Variants in FRY observed in about 807,000 individuals in gnomAD.
The protein encoded by FRY is protein furry homolog.
FRY carries 128 observed loss-of-function variants against 348.4 expected under a neutral mutation model. The ratio of observed to expected loss-of-function variants is 0.37; its 90% CI spans 0.32 to 0.43. The LOEUF is 0.43. Among genes scored for constraint, FRY ranks in the 20% least tolerant of loss-of-function variants. FRY has a pLI of 1.00. For synonymous variants in FRY, 1,370 were observed against 1,374.7 expected (o/e 1.00, Z 0.08); for missense variants, 2,736 against 3,695.2 (o/e 0.74, Z 6.73).
intron 6 of FRY, 30 bp downstream of exon 6, chr13:32,124,711 A>G: frequency 6.6e-7 from 1 of 1,523,368 alleles, no homozygotes; most frequent in Non-Finnish European, 9.1e-7. Flanking sequence ...TAGAATGTTG[A>G]AGTTGGTGTT....
chr13:32,124,537 G>C, intron 5 of FRY, 65 bp from the exon 6 acceptor site: 1 of 961,974 alleles, frequency 1.0e-6, no homozygotes, highest in South Asian at 1.3e-5. Context: ...ATAGTTATTG[G>C]AAGTACTGTA....
chr13:32,194,663 GACCAA>G, intron 29 of FRY, among the ~76,000 whole-genome samples: 1 of 152,114 alleles, frequency 6.6e-6, no homozygotes, highest in African/African-American at 2.4e-5. Flanking sequence ...CTTTACAGAA[GACCAA>G]ACCCAGGAAG....
At chr13:32,142,709 C>A (rs1236233574) in intron 11 of FRY, among the ~76,000 whole-genome samples, 1 of 152,196 alleles carries the variant, frequency 6.6e-6, no homozygotes, top group Non-Finnish European at 1.5e-5. Flanking sequence ...AGGTCCTGTA[C>A]AAATGAATCT....
intron 1 of FRY, among the ~76,000 whole-genome samples, chr13:32,041,483 G>A (rs1033876339): frequency 1.3e-5 from 2 of 151,786 alleles, no homozygotes; most frequent in Non-Finnish European, 2.9e-5. Context: ...TAGTGGAGAC[G>A]GGGTTTCACC....
At chr13:32,218,863 G>A (rs368188094) in intron 36 of FRY, 32 bp downstream of exon 36, 27 of 1,234,426 alleles carry the variant, frequency 2.2e-5, no homozygotes, top group East Asian at 4.6e-5. Context: ...GCTTTCAGAC[G>A]GAACGCAAGT....
chr13:32,073,938 A>G (rs1195152290), intron 1 of FRY, among the ~76,000 whole-genome samples: 1 of 152,188 alleles, frequency 6.6e-6, no homozygotes, highest in African/African-American at 2.4e-5. Flanking sequence ...TTAGGAGGGT[A>G]GTCTGTCCTG....
chr13:32,111,152 C>T (rs935151476), intron 3 of FRY, among the ~76,000 whole-genome samples: 11 of 152,044 alleles, frequency 7.2e-5, no homozygotes, highest in African/African-American at 2.4e-4. Context: ...AATAAAGGTG[C>T]CAATAATGTG....
intron 10 of FRY, 42 bp downstream of exon 10, chr13:32,135,225 A>G (rs1879632658): frequency 8.5e-7 from 1 of 1,173,338 alleles, no homozygotes; most frequent in Non-Finnish European, 1.3e-6. Context: ...ACAAAACTGC[A>G]CAGACTAAAA....
rs1354205098 is a variant in FRY, at chr13:32,297,613, G to A, written c.*2153G>A. On this transcript the variant is annotated 3_prime_UTR_variant, in exon 61 of 61. Transcript: ENST00000542859. ...TTTTTAAAAGGAGATGTATTAATGT[G>A]AAAGGTTTCTTCTACTTTTCCTCTA... 3.3e-5 allele frequency: 5 copies of A among 152,146 alleles called. No homozygotes were observed. The East Asian group carries it at 9.6e-4, about 29-fold the overall frequency. The allele number at this position is 152,146 out of a possible 1,614,324, so 9.4% of individuals were successfully genotyped here. A position where few individuals can be genotyped will look rare whatever the true frequency, so the allele number is the denominator to read the frequency against.
chr13:32,293,323 T>C (rs1889470816), intron 59 of FRY, among the ~76,000 whole-genome samples: 2 of 152,244 alleles, frequency 1.3e-5, no homozygotes, highest in Admixed American at 1.3e-4. Flanking sequence ...CTCTAATATC[T>C]TGTTTTAAAA....
intron 31 of FRY, among the ~76,000 whole-genome samples, chr13:32,204,213 C>T (rs1379844001): frequency 6.6e-6 from 1 of 152,118 alleles, no homozygotes; most frequent in Non-Finnish European, 1.5e-5. Flanking sequence ...TAATGACTAC[C>T]CCATAGGATG....
intron 58 of FRY, among the ~76,000 whole-genome samples, chr13:32,286,269 T>G (rs1316922375): frequency 6.6e-6 from 1 of 151,982 alleles, no homozygotes; most frequent in Non-Finnish European, 1.5e-5. Context: ...AATAAGGGGG[T>G]TTTATTGGAT....
intron 4 of FRY, among the ~76,000 whole-genome samples, chr13:32,122,688 GCAAT>G (rs1054849680): frequency 1.3e-5 from 2 of 152,088 alleles, no homozygotes; most frequent in African/African-American, 4.8e-5. Flanking sequence ...CCTAGCCAAA[GCAAT>G]CAGACAAGAG....
chr13:32,236,806 G>A (rs1184149588), intron 43 of FRY, among the ~76,000 whole-genome samples: 5 of 151,828 alleles, frequency 3.3e-5, no homozygotes, highest in African/African-American at 4.8e-5. Context: ...GATAATTTTG[G>A]TATGATTACA....
chr13:32,048,285 TC>T (rs548106783), intron 1 of FRY, among the ~76,000 whole-genome samples: 7 of 152,116 alleles, frequency 4.6e-5, no homozygotes, highest in Non-Finnish European at 7.4e-5. Context: ...TTGGGATCTT[TC>T]TATCTTTTAT....
chr13:32,075,462 G>A (rs1003655129), intron 1 of FRY, among the ~76,000 whole-genome samples: 3 of 152,096 alleles, frequency 2.0e-5, no homozygotes, highest in Non-Finnish European at 4.4e-5. Context: ...GTAATTTTCT[G>A]TTTCCAGACT....
rs139918206 is a variant in FRY at position 32,288,158 on chromosome 13, T to C, written c.8470-1475T>C. Among the ~76,000 whole-genome samples, 206 of 152,374 alleles carry C rather than the reference T, an allele frequency of 1.4e-3. 1 individual carries two copies. Among genetic ancestry groups the C allele is most frequent in the Middle Eastern group, 3.4e-3 (1 of 294 alleles). On this transcript the variant is annotated intron_variant, in intron 58 of 60. Transcript: ENST00000542859. ...TTGGCACTTAGGAAAGGCAGAGTTT[T>C]CATAGCTAGGTTTCACCCAAATTGT...
At chr13:32,176,982 C>A (rs931721330) in intron 20 of FRY, among the ~76,000 whole-genome samples, 1 of 152,198 alleles carries the variant, frequency 6.6e-6, no homozygotes, top group East Asian at 1.9e-4. Flanking sequence ...GCCATCTCAT[C>A]TCTCAGGCTC....
At chr13:32,200,716 GA>G (rs1260791618) in intron 29 of FRY, among the ~76,000 whole-genome samples, 9 of 152,038 alleles carry the variant, frequency 5.9e-5, no homozygotes, top group African/African-American at 2.4e-5. Flanking sequence ...TACATAGCAA[GA>G]AAAAAATGGA....
Sources: allele counts gnomAD v4.1 joint callset (sites outside exome capture counted in the v4.1 genomes callset), GRCh38; gene constraint gnomAD v4.1.1; transcripts MANE v1.5; gene names NCBI Gene and HGNC (gene_info 2026-07-23, HGNC 2026-07-21).